TPO: variants seen among roughly 807,000 people sequenced by gnomAD.
The protein encoded by TPO is thyroid microsomal antigen.
A neutral mutation model predicts 96.9 loss-of-function variants in TPO; 78 were observed. The observed-to-expected ratio is 0.81, with a 90% CI of 0.67 to 0.97. TPO has a LOEUF of 0.97. Among genes scored for constraint, TPO ranks in the 50% least tolerant of loss-of-function variants. TPO has a pLI of 0.00. For missense variants in TPO, 1,252 were observed against 1,274.8 expected, an observed-to-expected ratio of 0.98 and a Z score of 0.27; for synonymous variants, 547 against 538.0, an observed-to-expected ratio of 1.02 and a Z score of -0.23.
intron 7 of TPO, among the ~76,000 whole-genome samples, chr2:1,466,608 C>T (rs1487503785): frequency 6.6e-6 from 1 of 152,072 alleles, no homozygotes; most frequent in African/African-American, 2.4e-5. Context: ...CTGACTTAAG[C>T]TAGGAGGGTT....
intron 6 of TPO, among the ~76,000 whole-genome samples, chr2:1,455,455 G>C (rs1313090186): frequency 2.0e-5 from 3 of 152,154 alleles, no homozygotes; most frequent in Non-Finnish European, 2.9e-5. Flanking sequence ...ATCCACATCA[G>C]GTAGGGCAGG....
chr2:1,528,647 C>G (rs1214986357), intron 15 of TPO, among the ~76,000 whole-genome samples: 1 of 141,072 alleles, frequency 7.1e-6, no homozygotes. Context: ...CTGTGTGCAA[C>G]CTCACCACAT....
At chr2:1,379,586 T>G (rs1266980122) in intron 1 of TPO, among the ~76,000 whole-genome samples, 1 of 152,112 alleles carries the variant, frequency 6.6e-6, no homozygotes, top group African/African-American at 2.4e-5. Flanking sequence ...GCAGATGTGC[T>G]TCAATAATCT....
chr2:1,426,859 A>G (rs1664465248), intron 3 of TPO, among the ~76,000 whole-genome samples: 1 of 152,332 alleles, frequency 6.6e-6, no homozygotes, highest in South Asian at 2.1e-4. Flanking sequence ...AAAAAAAATA[A>G]CTTTTCTAAA....
At chr2:1,493,739 T>A in intron 10 of TPO, 63 bp from the exon 11 acceptor site, 1 of 1,589,736 alleles carries the variant, frequency 6.3e-7, no homozygotes. Flanking sequence ...ATGGCATGAG[T>A]GAGATGGGCT....
At chr2:1,421,722 T>C (rs1234536615) in intron 2 of TPO, among the ~76,000 whole-genome samples, 1 of 152,184 alleles carries the variant, frequency 6.6e-6, no homozygotes, top group Non-Finnish European at 1.5e-5. Flanking sequence ...GTTCCCTGAT[T>C]CTTGAGAGCT....
intron 7 of TPO, among the ~76,000 whole-genome samples, chr2:1,459,588 G>C (rs943396880): frequency 1.3e-5 from 2 of 152,206 alleles, no homozygotes; most frequent in Non-Finnish European, 2.9e-5. Flanking sequence ...AGGAAGACAG[G>C]CTGGTCCCTG....
chr2:1,462,786 C>T (rs991760699), intron 7 of TPO, among the ~76,000 whole-genome samples: 2 of 152,158 alleles, frequency 1.3e-5, no homozygotes, highest in Admixed American at 1.3e-4. Context: ...CCAAACTGCC[C>T]TTAAAAGTGG....
At chr2:1,536,641 T>TCCCCCC (rs552769137) in intron 15 of TPO, among the ~76,000 whole-genome samples, 2 of 15,612 alleles carry the variant, frequency 1.3e-4, no homozygotes, top group Non-Finnish European at 1.0e-4. Context: ...CCTCCCCAAA[T>TCCCCCC]CCCCCCCCCC....
chr2:1,510,901 A>T (rs1337394875), intron 14 of TPO, among the ~76,000 whole-genome samples: 1 of 152,242 alleles, frequency 6.6e-6, no homozygotes, highest in African/African-American at 2.4e-5. Flanking sequence ...ATAGATATAA[A>T]TTTACATATA....
chr2:1,415,182 G>A (rs1225310290), intron 2 of TPO, among the ~76,000 whole-genome samples: 1 of 148,492 alleles, frequency 6.7e-6, no homozygotes, highest in Non-Finnish European at 1.5e-5. Context: ...ACCTCGCCGG[G>A]CAGGTCCCTG....
At chr2:1,383,993 G>A (rs1292735287) in intron 1 of TPO, among the ~76,000 whole-genome samples, 2 of 152,110 alleles carry the variant, frequency 1.3e-5, no homozygotes, top group Non-Finnish European at 2.9e-5. Flanking sequence ...CCCATTTCTT[G>A]TTTTTGTCAG....
intron 3 of TPO, among the ~76,000 whole-genome samples, chr2:1,431,819 T>A (rs998864135): frequency 6.6e-6 from 1 of 152,246 alleles, no homozygotes; most frequent in African/African-American, 2.4e-5. Context: ...GCAGAACAAC[T>A]GAAGAGAACA....
At chr2:1,522,794 C>CAT (rs1184393468) in intron 15 of TPO, among the ~76,000 whole-genome samples, 9 of 132,440 alleles carry the variant, frequency 6.8e-5, no homozygotes, top group African/African-American at 2.6e-4. Context: ...AATCCCACCA[C>CAT]TGTGTGCAAC....
At chr2:1,514,827 C>G (rs972194697) in intron 14 of TPO, among the ~76,000 whole-genome samples, 2 of 152,188 alleles carry the variant, frequency 1.3e-5, no homozygotes, top group African/African-American at 2.4e-5. Flanking sequence ...TCTGGCCTTC[C>G]CCCTGCCCAG....
chr2:1,542,538 CCAAACACA>C lies in TPO; in HGVS notation c.*65_*72del. The C allele has an allele frequency of 5.0e-6, 8 of 1,608,424 alleles. No homozygotes were observed. In the South Asian group the frequency reaches 8.9e-5, roughly 18 times the overall value. ...CCCAAAATCACCGTACGACTCTTTT[CCAAACACA>C]GGCAAATCCGAAATCAGCAGGACGA... On this transcript the variant is annotated 3_prime_UTR_variant, in exon 17 of 17. Coordinates refer to ENST00000329066, the MANE Select transcript of TPO (RefSeq NM_001206744.2).
At position 1,519,939 on chromosome 2, in the gene TPO, TG is replaced by T. The variant is rs550058156; in HGVS notation, c.2618+2959del. On this transcript the variant is annotated intron_variant, in intron 15 of 16. Coordinates refer to ENST00000329066, the MANE Select transcript of TPO (RefSeq NM_001206744.2). ...CAAGGGAACTTGGGAGAGAAATATT[TG>T]GCTATAGTTGATTTTAGACTCTGGA... Among the ~76,000 whole-genome samples the T allele has an allele frequency of 4.4e-3, 675 of 152,312 alleles. 2 individuals are homozygous for T. The highest frequency in any genetic ancestry group is 7.8e-3 in the Non-Finnish European group (534 of 68,032).
At chr2:1,438,722 C>T (rs950208941) in intron 5 of TPO, 2 of 686,684 alleles carry the variant, frequency 2.9e-6, no homozygotes, top group Non-Finnish European at 5.3e-6. Flanking sequence ...GCCAGTAGGC[C>T]TCACACATGA....
At chr2:1,402,132 T>C (rs1662181996) in intron 1 of TPO, among the ~76,000 whole-genome samples, 1 of 152,178 alleles carries the variant, frequency 6.6e-6, no homozygotes, top group Non-Finnish European at 1.5e-5. Flanking sequence ...GGATTCCGTA[T>C]GCAGCCAAGT....
Sources: gnomAD v4.1 joint callset for allele counts (sites outside exome capture counted in the v4.1 genomes callset) on GRCh38, gnomAD v4.1.1 for gene constraint, MANE v1.5 for transcripts, NCBI Gene and HGNC (gene_info 2026-07-23, HGNC 2026-07-21) for gene names.